The following NOD1 variants were observed in gnomAD, a reference collection of about 807,000 sequenced individuals.
The protein encoded by NOD1 is nucleotide-binding oligomerization domain-containing protein 1.
Under a neutral mutation model 81.2 loss-of-function variants are expected in NOD1, and 70 were observed. The ratio of observed to expected loss-of-function variants is 0.86; its 90% CI spans 0.71 to 1.05. The LOEUF is 1.05. Among genes scored for constraint, NOD1 ranks in the 50% least tolerant of loss-of-function variants. NOD1 has a pLI of 0.00. For synonymous variants in NOD1, 508 were observed against 526.9 expected (o/e 0.96, Z 0.49); for missense variants, 1,233 against 1,228.0 (o/e 1.00, Z -0.06).
At chr7:30,447,655 T>C (rs1054625056) in intron 7 of NOD1, 2 of 155,646 alleles carry the variant, frequency 1.3e-5, no homozygotes, top group African/African-American at 4.8e-5. Flanking sequence ...CCCAAGAAAC[T>C]GAACAACTGC....
rs200916106 is a variant in NOD1 at position 30,433,186 on chromosome 7, A to C, written c.2622-7T>G. On this transcript the variant is annotated splice_polypyrimidine_tract_variant and splice_region_variant and intron_variant, in intron 11 of 13. Transcript: ENST00000222823. ...GAGTTCATTTTGGGTCAGCCTAAGG[A>C]AAAAAAAGGAAGTATTTACTCAAGA... 6 of 1,604,700 alleles carry C rather than the reference A, an allele frequency of 3.7e-6. No individual in the cohort carries two copies. The African/African-American group carries it at 4.0e-5, about 11-fold the overall frequency.
chr7:30,447,383 G>A lies in NOD1; in HGVS notation c.2286-333C>T, dbSNP rs562290706. 4 of 326,074 alleles carry A rather than the reference G, an allele frequency of 1.2e-5. No homozygotes were observed. In the East Asian group the frequency reaches 3.0e-4, roughly 24 times the overall value. 20.2% of individuals were successfully genotyped at this position (326,074 alleles called of 1,614,324 possible). A position where few individuals can be genotyped will look rare whatever the true frequency, so the allele number is the denominator to read the frequency against. Reference sequence around the variant, plus strand: ...CAAAGCCCTGGTGCATGAGTGCTCGGTGACTGGCAGGTGATGGGTATTTAC... The same window carrying A: ...CAAAGCCCTGGTGCATGAGTGCTCGATGACTGGCAGGTGATGGGTATTTAC... On this transcript the variant is annotated intron_variant, in intron 7 of 13. Transcript: ENST00000222823.
At chr7:30,432,677 T>C (rs956556803) in intron 12 of NOD1, among the ~76,000 whole-genome samples, 1 of 152,180 alleles carries the variant, frequency 6.6e-6, no homozygotes, top group African/African-American at 2.4e-5. Flanking sequence ...AGTCAAAAAG[T>C]AGAAACAACC....
rs551028778 is a variant in NOD1 at position 30,455,264 on chromosome 7, G to A, written c.249C>T (p.Ser83=). 25 of 1,614,142 alleles carry A rather than the reference G, an allele frequency of 1.5e-5. No individual in the cohort carries two copies. The highest frequency in any genetic ancestry group is 1.5e-4 in the South Asian group (14 of 91,088). Residue 83 remains serine, a synonymous_variant, in exon 5 of 14, where the codon TCC becomes TCT. Transcript: ENST00000222823. ...GCTGGAGCAAGTAGAGGAAGAACTC[G>A]GACACCTCCTCGCCCTTGCTCTGTA... ...DLVQSKGEEV[S]EFFLYLLQQL... is the part of the protein sequence containing the mutation.
Position 30,460,811 on chromosome 7 carries a change from G to A in NOD1, c.-351-770C>T, listed in dbSNP as rs112888319. Among the ~76,000 whole-genome samples, 569 of 152,322 alleles carry A rather than the reference G, an allele frequency of 3.7e-3. 1 individual carries two copies. Among genetic ancestry groups the A allele is most frequent in the Non-Finnish European group, 5.9e-3 (404 of 68,028 alleles). On this transcript the variant is annotated intron_variant, in intron 1 of 13. Coordinates refer to ENST00000222823, the MANE Select transcript of NOD1 (RefSeq NM_006092.4). ...CCCTCAGAGAGGGTTAGTTTCCAGGGTAAGGGAATCCCAGGGGCAATTCAC... is the reference window on the plus strand; with the variant it reads ...CCCTCAGAGAGGGTTAGTTTCCAGGATAAGGGAATCCCAGGGGCAATTCAC...
In NOD1 at chr7:30,467,479, A is replaced by G. The variant is rs1787816541; in HGVS notation, c.-351-7438T>C. Among the ~76,000 whole-genome samples the G allele has an allele frequency of 6.6e-6, 1 of 152,200 alleles. No homozygotes were observed. Among genetic ancestry groups the G allele is most frequent in the African/African-American group, 2.4e-5 (1 of 41,444 alleles). The stretch of plus-strand genomic sequence containing the variant: ...AGCGACTGCCTTGTTTTGAGGAACT[A>G]TGACTTTCAACTCAAAGGGCCCACC... On this transcript the variant is annotated intron_variant, in intron 1 of 13. Coordinates refer to ENST00000222823, the MANE Select transcript of NOD1 (RefSeq NM_006092.4). The surrounding 1 kb of genome is among the most constrained non-coding windows in gnomAD (Gnocchi z 4.5).
chr7:30,429,440 A>G lies in NOD1; in HGVS notation c.2723T>C (p.Ile908Thr). 6.2e-7 allele frequency: 1 copy of G among 1,614,058 alleles called. No individual in the cohort carries two copies. Among genetic ancestry groups the G allele is most frequent in the Non-Finnish European group, 8.5e-7 (1 of 1,179,880 alleles). The change falls in exon 13 of 14, where the codon ATC (isoleucine) becomes ACC (threonine). Residue 908 changes from isoleucine (I) to threonine (T), a missense_variant. Ile to Thr is a moderately conservative substitution (Grantham distance 89). Coordinates refer to ENST00000222823, the MANE Select transcript of NOD1 (RefSeq NM_006092.4). ...CAGCTGGGCAGTCCCCTTAGCTGTG[A>G]TCTGATTCTGGATAAGCCTGAAAGA... is the stretch of plus-strand genomic sequence containing the variant. Reference protein sequence around the residue: ...LKHLWLIQNQITAKGTAQLAD... With the variant: ...LKHLWLIQNQTTAKGTAQLAD...
rs752525767 is a variant in NOD1 at position 30,452,131 on chromosome 7, G to A, written c.1286C>T (p.Thr429Ile). 1 of 1,614,000 alleles carries A rather than the reference G, an allele frequency of 6.2e-7. No homozygotes were observed. The highest frequency in any genetic ancestry group is 8.5e-7 in the Non-Finnish European group (1 of 1,180,030). ...CTGCATCCTGTTCAGATGGACCTCA[G>A]TGACCAGGAGGAAGACATCTGTCAG... ...MTLTDVFLLV[T>I]EVHLNRMQPS... Residue 429 changes from threonine to isoleucine, a missense_variant, in exon 6 of 14, where the codon ACT becomes ATT. Transcript: ENST00000222823.
intron 1 of NOD1, 195 bp from the exon 2 acceptor site, chr7:30,460,236 A>AT (rs1293119786): frequency 2.0e-6 from 2 of 985,314 alleles, no homozygotes; most frequent in Non-Finnish European, 1.2e-6. Flanking sequence ...AGGGTAGACC[A>AT]AAACCATACC....
At chr7:30,433,013 G>A (rs906564317) in intron 12 of NOD1, 83 bp downstream of exon 12, 18 of 1,044,616 alleles carry the variant, frequency 1.7e-5, no homozygotes, top group Non-Finnish European at 2.5e-5. Context: ...TTAAGAGAGT[G>A]AATTTTACAG....
At chr7:30,457,375 CAA>C (rs990968388) in intron 3 of NOD1, among the ~76,000 whole-genome samples, 5 of 152,052 alleles carry the variant, frequency 3.3e-5, no homozygotes, top group Non-Finnish European at 7.4e-5. Flanking sequence ...CACATGAGCA[CAA>C]GAGTTCAAGG....
intron 8 of NOD1, 179 bp from the exon 9 acceptor site, chr7:30,446,403 A>G: frequency 3.3e-6 from 2 of 606,188 alleles, no homozygotes; most frequent in East Asian, 5.5e-5. Flanking sequence ...AGCCCTGAGG[A>G]CAGTCAGTCA....
intron 1 of NOD1, among the ~76,000 whole-genome samples, chr7:30,477,597 C>T (rs1279126623): frequency 6.6e-6 from 1 of 152,186 alleles, no homozygotes; most frequent in Non-Finnish European, 1.5e-5. Context: ...TCACTGCAAC[C>T]TCTGCCTCCC....
At chr7:30,456,197 T>G (rs774025428) in intron 4 of NOD1, among the ~76,000 whole-genome samples, 4 of 152,138 alleles carry the variant, frequency 2.6e-5, no homozygotes, top group Non-Finnish European at 5.9e-5. Context: ...CAAGAAGGAA[T>G]TTGTGGTCTC....
chr7:30,446,087 G>GCCCCC, intron 9 of NOD1, 54 bp downstream of exon 9: 4 of 1,302,946 alleles, frequency 3.1e-6, no homozygotes, highest in Non-Finnish European at 3.3e-6. Context: ...AGCAAGGCCC[G>GCCCCC]CCCCCCACAC....
In NOD1 at chr7:30,451,782, C is replaced by G. The variant is rs761609604; in HGVS notation, c.1635G>C (p.Gln545His). Residue 545 changes from glutamine to histidine, a missense_variant, in exon 6 of 14, where the codon CAG becomes CAC. Coordinates refer to ENST00000222823, the MANE Select transcript of NOD1 (RefSeq NM_006092.4). The surrounding 1 kb of genome is among the most constrained non-coding windows in gnomAD (Gnocchi z 4.2). ...CTGCCCCCGCAGGGGGCATCCACTC[C>G]TGGAAGAACCTGAGCAGCTCCTGAG... ...VGTQELLRFF[Q>H]EWMPPAGAAT... is the part of the protein sequence containing the mutation. 1 of 1,613,834 alleles carries G rather than the reference C, an allele frequency of 6.2e-7. No individual in the cohort carries two copies. The highest frequency in any genetic ancestry group is 8.5e-7 in the Non-Finnish European group (1 of 1,180,022).
intron 1 of NOD1, among the ~76,000 whole-genome samples, chr7:30,471,603 G>C (rs1258355483): frequency 6.6e-6 from 1 of 152,246 alleles, no homozygotes; most frequent in Non-Finnish European, 1.5e-5. Context: ...GGTGAACAGA[G>C]CTGGGAAGGC....
chr7:30,431,281 T>G (rs1287175300), intron 12 of NOD1, among the ~76,000 whole-genome samples: 3 of 152,248 alleles, frequency 2.0e-5, no homozygotes, highest in Non-Finnish European at 4.4e-5. Flanking sequence ...TAGCAGAGTC[T>G]AGTCTTTTTG....
chr7:30,465,938 A>G (rs1419852511), intron 1 of NOD1, among the ~76,000 whole-genome samples: 1 of 152,224 alleles, frequency 6.6e-6, no homozygotes, highest in East Asian at 1.9e-4. Flanking sequence ...GCTGGCACCC[A>G]GGTCATATGG....
Sources: gnomAD v4.1 joint callset for allele counts (sites outside exome capture counted in the v4.1 genomes callset) on GRCh38, gnomAD v4.1.1 for gene constraint, Gnocchi (gnomAD v3.1) non-coding constraint, MANE v1.5 for transcripts, NCBI Gene and HGNC (gene_info 2026-07-23, HGNC 2026-07-21) for gene names.